ATPSCKMT: variants seen among roughly 807,000 people sequenced by gnomAD.
The protein encoded by ATPSCKMT is ATP synthase c subunit lysine N-methyltransferase, also known as ATP synthase subunit C lysine N-methyltransferase.
ATPSCKMT carries 24 observed loss-of-function variants against 24.3 expected under a neutral mutation model. That is an observed-to-expected ratio of 0.99 (90% confidence interval 0.71 to 1.39). The LOEUF (loss-of-function observed/expected upper bound fraction) is 1.39. Ranked by LOEUF, ATPSCKMT falls within the 40% of genes most tolerant of loss-of-function variation. ATPSCKMT has a pLI of 0.00. For synonymous variants in ATPSCKMT, 95 were observed against 110.5 expected, an observed-to-expected ratio of 0.86 and a Z score of 0.88; for missense variants, 311 against 298.4, an observed-to-expected ratio of 1.04 and a Z score of -0.31.
At chr5:10,233,505 C>T (rs1482171346) in intron 4 of ATPSCKMT, among the ~76,000 whole-genome samples, 1 of 152,160 alleles carries the variant, frequency 6.6e-6, no homozygotes, top group Non-Finnish European at 1.5e-5. Flanking sequence ...TTTCAGATTT[C>T]TCTACATACA....
At chr5:10,240,638 G>A (rs530951619) in intron 1 of ATPSCKMT, among the ~76,000 whole-genome samples, 9 of 152,204 alleles carry the variant, frequency 5.9e-5, no homozygotes, top group African/African-American at 1.4e-4. Context: ...GAACAGGGTC[G>A]AATGCAGTTA....
At chr5:10,243,860 T>C (rs1299115131) in intron 1 of ATPSCKMT, among the ~76,000 whole-genome samples, 1 of 152,268 alleles carries the variant, frequency 6.6e-6, no homozygotes, top group Non-Finnish European at 1.5e-5. Flanking sequence ...AGTAGCACTT[T>C]TAATCTCCTT....
chr5:10,245,143 G>A (rs1744844778), intron 1 of ATPSCKMT, among the ~76,000 whole-genome samples: 1 of 152,142 alleles, frequency 6.6e-6, no homozygotes, highest in Non-Finnish European at 1.5e-5. Flanking sequence ...AATTCAAGCT[G>A]GGCATGGTGG....
chr5:10,243,576 C>T (rs1277405321), intron 1 of ATPSCKMT, among the ~76,000 whole-genome samples: 1 of 152,230 alleles, frequency 6.6e-6, no homozygotes, highest in Admixed American at 6.5e-5. Context: ...TCCATCAGCA[C>T]TTGCTGCTTC....
At chr5:10,239,435 A>C in intron 1 of ATPSCKMT, 79 bp from the exon 2 acceptor site, 622 of 1,244,976 alleles carry the variant, frequency 5.0e-4, no homozygotes, top group Non-Finnish European at 6.3e-4. Context: ...TACAATTCTC[A>C]TTGGCAAACA....
intron 3 of ATPSCKMT, among the ~76,000 whole-genome samples, chr5:10,235,928 C>A (rs72643797): frequency 0.17 from 26,138 of 152,034 alleles, 3,726 homozygotes; most frequent in East Asian, 0.76. Context: ...GACAATATTA[C>A]AATGGAAAAT....
chr5:10,237,059 C>A, intron 2 of ATPSCKMT: 1 of 1,255,850 alleles, frequency 8.0e-7, no homozygotes, highest in Non-Finnish European at 1.0e-6. Flanking sequence ...GAAAAATCTG[C>A]AATTAGTTAC....
chr5:10,245,442 T>A (rs1425146830), intron 1 of ATPSCKMT, among the ~76,000 whole-genome samples: 1 of 151,144 alleles, frequency 6.6e-6, no homozygotes, highest in Non-Finnish European at 1.5e-5. Context: ...TAAAATAAAA[T>A]AAATAAACAC....
chr5:10,246,508 T>C (rs1044397450), intron 1 of ATPSCKMT, among the ~76,000 whole-genome samples: 1 of 152,076 alleles, frequency 6.6e-6, no homozygotes, highest in African/African-American at 2.4e-5. Context: ...AATGGAATTG[T>C]ATAGTGTGTG....
chr5:10,228,506 A>G (rs548791857), intron 4 of ATPSCKMT, among the ~76,000 whole-genome samples: 10 of 152,218 alleles, frequency 6.6e-5, no homozygotes, highest in African/African-American at 9.7e-5. Context: ...CAAATTAACA[A>G]CTACTTAAAA....
At chr5:10,245,027 A>C (rs147276903) in intron 1 of ATPSCKMT, among the ~76,000 whole-genome samples, 7 of 152,330 alleles carry the variant, frequency 4.6e-5, no homozygotes, top group Admixed American at 6.5e-5. Flanking sequence ...TTTGGGTTAC[A>C]CAGTTCTGGA....
At chr5:10,236,946 C>A in intron 2 of ATPSCKMT, 1 of 1,332,666 alleles carries the variant, frequency 7.5e-7, no homozygotes, top group Non-Finnish European at 9.8e-7. Context: ...AAATCCACTG[C>A]ATCTCTCCAT....
rs546070980 is a variant in ATPSCKMT at position 10,240,029 on chromosome 5, A to T, written c.17-673T>A. On this transcript the variant is annotated intron_variant, in intron 1 of 4. Transcript: ENST00000511437. ...ATCACGAGGTCAGGACATCGAGACC[A>T]TCCTGGCTAACATGGTGAAACCCCA... 1.5e-4 allele frequency among the ~76,000 whole-genome samples: 22 copies of T among 151,398 alleles called. No individual in the cohort carries two copies. The East Asian group carries it at 3.9e-3, about 27-fold the overall frequency.
intron 1 of ATPSCKMT, among the ~76,000 whole-genome samples, chr5:10,247,629 T>C (rs1389923192): frequency 6.6e-6 from 1 of 152,232 alleles, no homozygotes; most frequent in Non-Finnish European, 1.5e-5. Context: ...CCAGGACCTG[T>C]ATTGATTCTT....
At chr5:10,236,303 T>G (rs553772272) in intron 3 of ATPSCKMT, 175 bp downstream of exon 3, 39 of 733,746 alleles carry the variant, frequency 5.3e-5, no homozygotes, top group African/African-American at 4.5e-4. Context: ...TAAGCTTCTC[T>G]CTAAAGGAGA....
At chr5:10,229,909 A>G (rs1206774074) in intron 4 of ATPSCKMT, among the ~76,000 whole-genome samples, 1 of 152,100 alleles carries the variant, frequency 6.6e-6, no homozygotes, top group African/African-American at 2.4e-5. Flanking sequence ...TACTGTGAGC[A>G]CTCCTTACAT....
chr5:10,249,799 C>A, intron 1 of ATPSCKMT, 59 bp downstream of exon 1: 1 of 1,532,076 alleles, frequency 6.5e-7, no homozygotes, highest in South Asian at 1.3e-5. Context: ...CGCGAGCCCC[C>A]GGCCCGCCCG....
chr5:10,227,445 G>T lies in ATPSCKMT; in HGVS notation c.698C>A (p.Ala233Glu). 6.2e-7 allele frequency: 1 copy of T among 1,613,902 alleles called. No individual in the cohort carries two copies. The highest frequency in any genetic ancestry group is 8.5e-7 in the Non-Finnish European group (1 of 1,179,970). ...TSMHFQLPIQ[A>E] ...GAAAAACACTCCCAGTCAAGTTTAT[G>T]CTTGAATGGGCAGCTGGAAATGCAT... is the stretch of plus-strand genomic sequence containing the variant. The change falls in exon 5 of 5, where the codon GCA (alanine) becomes GAA (glutamate). Residue 233 changes from alanine to glutamate, a missense_variant. Ala to Glu is a moderately radical substitution (Grantham distance 107). Coordinates refer to ENST00000511437, the MANE Select transcript of ATPSCKMT (RefSeq NM_199133.4).
intron 2 of ATPSCKMT, 55 bp from the exon 3 acceptor site, chr5:10,236,670 G>A: frequency 6.3e-7 from 1 of 1,594,866 alleles, no homozygotes; most frequent in Admixed American, 1.8e-5. Context: ...AACATACATG[G>A]TCAAACAATA....
Sources: gnomAD v4.1 joint callset for allele counts (sites outside exome capture counted in the v4.1 genomes callset) on GRCh38, gnomAD v4.1.1 for gene constraint, MANE v1.5 for transcripts, NCBI Gene and HGNC (gene_info 2026-07-23, HGNC 2026-07-21) for gene names.